HSPA12A: variants seen among roughly 807,000 people sequenced by gnomAD.
The protein encoded by HSPA12A is heat shock 70 kDa protein 12A.
Under a neutral mutation model 69.2 loss-of-function variants are expected in HSPA12A, and 28 were observed. The ratio of observed to expected loss-of-function variants is 0.40; its 90% CI spans 0.30 to 0.55. The LOEUF (loss-of-function observed/expected upper bound fraction) is 0.55. Among genes scored for constraint, HSPA12A ranks in the 20% least tolerant of loss-of-function variants. The probability of loss-of-function intolerance (pLI) is 0.38; values close to 1 mark genes in which losing one functional copy is unlikely to be tolerated. For missense variants in HSPA12A, 686 were observed against 900.7 expected (o/e 0.76, Z 3.05); for synonymous variants, 345 against 370.5 (o/e 0.93, Z 0.79).
At chr10:116,684,885 C>A (rs782782455) in intron 6 of HSPA12A, among the ~76,000 whole-genome samples, 1 of 152,166 alleles carries the variant, frequency 6.6e-6, no homozygotes, top group Non-Finnish European at 1.5e-5. Context: ...AGGGCCAGCT[C>A]AAGAGGCCCT....
intron 6 of HSPA12A, among the ~76,000 whole-genome samples, chr10:116,689,084 A>T (rs1287922365): frequency 6.6e-6 from 1 of 152,030 alleles, no homozygotes; most frequent in Non-Finnish European, 1.5e-5. Flanking sequence ...GCATCTGTGC[A>T]CCCTCTCTGC....
At chr10:116,835,160 G>A (rs983659244) in intron 1 of HSPA12A, 131 of 395,404 alleles carry the variant, frequency 3.3e-4, no homozygotes, top group African/African-American at 2.4e-3. Flanking sequence ...TTAGGTGGGC[G>A]CAGAGGAGCT....
At chr10:116,694,988 C>T (rs11197797) in intron 5 of HSPA12A, among the ~76,000 whole-genome samples, 33,567 of 151,928 alleles carry the variant, frequency 0.22, 4,443 homozygotes, top group Middle Eastern at 0.39. Context: ...AGTGACCTTG[C>T]TGCCAGGCCT....
chr10:116,815,001 TAC>T (rs1845269766), intron 2 of HSPA12A, among the ~76,000 whole-genome samples: 1 of 152,206 alleles, frequency 6.6e-6, no homozygotes, highest in Non-Finnish European at 1.5e-5. Flanking sequence ...GGATAAACCC[TAC>T]ACTCTTTTTA....
At chr10:116,795,872 C>T (rs1033365058) in intron 2 of HSPA12A, among the ~76,000 whole-genome samples, 2 of 150,846 alleles carry the variant, frequency 1.3e-5, no homozygotes, top group Admixed American at 6.6e-5. Context: ...AAAGGCCGGG[C>T]GCGGTGGCTC....
At chr10:116,742,258 C>A (rs904385196) in intron 1 of HSPA12A, among the ~76,000 whole-genome samples, 172 bp downstream of exon 1, 6 of 151,776 alleles carry the variant, frequency 4.0e-5, no homozygotes, top group Non-Finnish European at 7.4e-5. Flanking sequence ...CACCGGACCC[C>A]GGCCCCCGGC....
At chr10:116,753,228 C>T (rs1267999852) in intron 2 of HSPA12A, among the ~76,000 whole-genome samples, 2 of 151,782 alleles carry the variant, frequency 1.3e-5, no homozygotes, top group African/African-American at 2.4e-5. Flanking sequence ...GCAGTGGGGC[C>T]AGGATGGTCA....
intron 10 of HSPA12A, among the ~76,000 whole-genome samples, chr10:116,678,230 G>C (rs1022806410): frequency 3.3e-5 from 5 of 151,662 alleles, no homozygotes; most frequent in African/African-American, 1.2e-4. Flanking sequence ...AGGAGAGACA[G>C]GCAGACATTT....
chr10:116,750,989 G>A (rs1324875642), intron 2 of HSPA12A, among the ~76,000 whole-genome samples: 12 of 151,596 alleles, frequency 7.9e-5, no homozygotes, highest in Admixed American at 2.0e-4. Context: ...GAAGAAGGAC[G>A]AGGAGGAAGA....
At chr10:116,676,667 G>A (rs1360887076) in intron 10 of HSPA12A, among the ~76,000 whole-genome samples, 165 bp from the exon 11 acceptor site, 5 of 152,184 alleles carry the variant, frequency 3.3e-5, no homozygotes, top group African/African-American at 1.2e-4. Context: ...GCCAGGACCT[G>A]GACCCTTAGA....
chr10:116,837,188 C>T (rs1245490180), intron 1 of HSPA12A, among the ~76,000 whole-genome samples: 1 of 152,202 alleles, frequency 6.6e-6, no homozygotes, highest in Non-Finnish European at 1.5e-5. Flanking sequence ...GGATAAATCA[C>T]TTTGTCACAG....
intron 2 of HSPA12A, among the ~76,000 whole-genome samples, chr10:116,705,863 A>G (rs1448625794): frequency 7.2e-6 from 1 of 139,838 alleles, no homozygotes; most frequent in African/African-American, 2.7e-5. Context: ...TGGTCAGGCT[A>G]TTTCAGGTTT....
chr10:116,681,838 A>G lies in HSPA12A; in HGVS notation c.875T>C (p.Phe292Ser). The stretch of plus-strand genomic sequence containing the variant: ...TTCTCCTATGACATTCTCCACCAAA[A>G]AGGTCCGACTCTGCCGATTACGCCG... ...HIRRNRQSRT[F>S]LVENVIGEIW... The change falls in exon 8 of 12, where the codon TTT (phenylalanine) becomes TCT (serine). Residue 292 changes from phenylalanine (F) to serine (S), a missense_variant. Physicochemically the swap from Phe to Ser is radical, Grantham distance 155. Coordinates refer to ENST00000369209, the MANE Select transcript of HSPA12A (RefSeq NM_025015.3). 6.2e-7 allele frequency: 1 copy of G among 1,614,128 alleles called. No homozygotes were observed. Among genetic ancestry groups the G allele is most frequent in the Middle Eastern group, 1.7e-4 (1 of 6,060 alleles).
intron 1 of HSPA12A, among the ~76,000 whole-genome samples, chr10:116,740,191 C>T (rs1338370695): frequency 6.6e-6 from 1 of 152,164 alleles, no homozygotes; most frequent in Non-Finnish European, 1.5e-5. Flanking sequence ...ACAACACTTC[C>T]CAGATGTGTG....
At chr10:116,731,048 G>A (rs1420128678) in intron 1 of HSPA12A, among the ~76,000 whole-genome samples, 1 of 152,230 alleles carries the variant, frequency 6.6e-6, no homozygotes, top group Non-Finnish European at 1.5e-5. Flanking sequence ...CCAGGGTCCT[G>A]CTGCATGGGC....
intron 1 of HSPA12A, among the ~76,000 whole-genome samples, chr10:116,847,940 C>G (rs1336535011): frequency 2.0e-5 from 3 of 152,092 alleles, no homozygotes; most frequent in Non-Finnish European, 2.9e-5. Flanking sequence ...GAAGGGCTGG[C>G]TGGAGTGAGA....
At chr10:116,824,699 A>C (rs1178707807) in intron 2 of HSPA12A, among the ~76,000 whole-genome samples, 3 of 152,106 alleles carry the variant, frequency 2.0e-5, no homozygotes, top group African/African-American at 7.2e-5. Context: ...CAGTCGCATG[A>C]TCTCGGCTCA....
At chr10:116,722,313 CT>C (rs1554884477) in intron 1 of HSPA12A, among the ~76,000 whole-genome samples, 2 of 152,188 alleles carry the variant, frequency 1.3e-5, no homozygotes, top group Admixed American at 6.5e-5. Flanking sequence ...GTGCTGACTG[CT>C]GGGAGGTGGC....
chr10:116,709,761 T>C (rs1190452973), intron 1 of HSPA12A, among the ~76,000 whole-genome samples: 1 of 152,176 alleles, frequency 6.6e-6, no homozygotes, highest in Non-Finnish European at 1.5e-5. Context: ...TGAAAAATTT[T>C]GGAAATAGAT....
Sources: allele counts gnomAD v4.1 joint callset (sites outside exome capture counted in the v4.1 genomes callset), GRCh38; gene constraint gnomAD v4.1.1; transcripts MANE v1.5; gene names NCBI Gene and HGNC (gene_info 2026-07-23, HGNC 2026-07-21).